The following SLC1A2 variants were observed in gnomAD, a reference collection of about 807,000 sequenced individuals.
SLC1A2 encodes excitatory amino acid transporter 2.
In SLC1A2, 15 loss-of-function variants were observed where a neutral mutation model predicts 48.8. That is an observed-to-expected ratio of 0.31 (90% CI 0.21 to 0.47). The LOEUF (loss-of-function observed/expected upper bound fraction) is 0.47, where lower values mean the gene tolerates loss of function less well. Among genes scored for constraint, SLC1A2 ranks in the 20% least tolerant of loss-of-function variants. The pLI, the probability that SLC1A2 is intolerant of heterozygous loss-of-function variation, is 0.99. For missense variants in SLC1A2, 502 were observed against 730.5 expected (o/e 0.69, Z 3.61); for synonymous variants, 279 against 272.6 (o/e 1.02, Z -0.23).
chr11:35,398,562 T>C (rs1415045286), intron 1 of SLC1A2, among the ~76,000 whole-genome samples: 1 of 152,212 alleles, frequency 6.6e-6, no homozygotes, highest in Non-Finnish European at 1.5e-5. Flanking sequence ...TATCAGGTAC[T>C]ATGCTTATTA....
At chr11:35,310,303 G>A (rs1487655536) in intron 4 of SLC1A2, among the ~76,000 whole-genome samples, 1 of 152,180 alleles carries the variant, frequency 6.6e-6, no homozygotes, top group Non-Finnish European at 1.5e-5. Context: ...AAAATGTTAA[G>A]AATGGATAGC....
intron 1 of SLC1A2, among the ~76,000 whole-genome samples, chr11:35,394,518 T>G (rs1173468884): frequency 6.6e-6 from 1 of 152,182 alleles, no homozygotes; most frequent in Admixed American, 6.5e-5. Flanking sequence ...AACTTTGGCC[T>G]TTAGAAAAAC....
chr11:35,363,609 T>C (rs1002153075), intron 1 of SLC1A2, among the ~76,000 whole-genome samples: 1 of 152,136 alleles, frequency 6.6e-6, no homozygotes, highest in Admixed American at 6.6e-5. Context: ...TAGAGCACTT[T>C]CTGTCAGCCA....
intron 1 of SLC1A2, among the ~76,000 whole-genome samples, chr11:35,328,820 A>G (rs144224941): frequency 1.7e-3 from 254 of 152,294 alleles, no homozygotes; most frequent in African/African-American, 5.7e-3. Flanking sequence ...TTTCTGGACT[A>G]GAGAGTCTTC....
At chr11:35,348,725 C>T (rs1853129431) in intron 1 of SLC1A2, among the ~76,000 whole-genome samples, 1 of 151,684 alleles carries the variant, frequency 6.6e-6, no homozygotes, top group Non-Finnish European at 1.5e-5. Context: ...AACCCTGTCT[C>T]TACTAAAAAT....
Sources: allele counts gnomAD v4.1 joint callset (sites outside exome capture counted in the v4.1 genomes callset), GRCh38; gene constraint gnomAD v4.1.1; transcripts MANE v1.5; gene names NCBI Gene and HGNC (gene_info 2026-07-23, HGNC 2026-07-21).